The following RBFOX1 variants were observed in gnomAD, a reference collection of about 807,000 sequenced individuals.
The protein encoded by RBFOX1 is RNA binding fox-1 homolog 1.
In RBFOX1, 8 loss-of-function variants were observed where a neutral mutation model predicts 57.7. That is an observed-to-expected ratio of 0.14 (90% CI 0.08 to 0.25). The LOEUF (loss-of-function observed/expected upper bound fraction) is 0.25. Ranked by LOEUF, RBFOX1 falls within the 10% of genes least tolerant of loss-of-function variation. The probability of loss-of-function intolerance (pLI) is 1.00; values close to 1 mark genes in which losing one functional copy is unlikely to be tolerated. For missense variants in RBFOX1, 611 were observed against 548.5 expected (o/e 1.11, Z -1.14); for synonymous variants, 326 against 222.4 (o/e 1.47, Z -4.15).
intron 1 of RBFOX1, among the ~76,000 whole-genome samples, chr16:6,138,525 G>A (rs1215036263): frequency 6.6e-6 from 1 of 152,122 alleles, no homozygotes; most frequent in Admixed American, 6.5e-5. Flanking sequence ...GAAGGGGAGA[G>A]AGAACGACCA....
In RBFOX1 at chr16:6,465,245, T is replaced by C. The variant is rs191349778; in HGVS notation, c.-64+148188T>C. ...GAGTAGGTTATTTGGAAAAAGAAAG[T>C]GGTGGAGTGAGGTTTTGTTGTTGTT... On this transcript the variant is annotated intron_variant, in intron 2 of 15. Transcript: ENST00000550418. Among the ~76,000 whole-genome samples the C allele has an allele frequency of 5.9e-3, 905 of 152,196 alleles. 7 individuals are homozygous for C. The highest frequency in any genetic ancestry group is 0.02 in the African/African-American group (814 of 41,522).
chr16:6,539,220 T>C (rs552122282), intron 2 of RBFOX1, among the ~76,000 whole-genome samples: 25 of 152,318 alleles, frequency 1.6e-4, no homozygotes, highest in South Asian at 1.2e-3. Context: ...GAGGCACTTA[T>C]AGGTTTAAAC....
intron 3 of RBFOX1, among the ~76,000 whole-genome samples, chr16:6,860,279 A>G (rs2058758567): frequency 6.6e-6 from 1 of 152,218 alleles, no homozygotes; most frequent in Admixed American, 6.5e-5. Context: ...GAAATACATT[A>G]TTTAATGTCT....
intron 4 of RBFOX1, among the ~76,000 whole-genome samples, chr16:7,416,728 GTTT>G (rs61388698): frequency 6.7e-6 from 1 of 148,512 alleles, no homozygotes. Context: ...CTTTAGGGAT[GTTT>G]TTTTTTCTTT....
intron 4 of RBFOX1, among the ~76,000 whole-genome samples, chr16:7,242,745 G>T (rs541876607): frequency 6.6e-6 from 1 of 152,342 alleles, no homozygotes; most frequent in East Asian, 1.9e-4. Flanking sequence ...TGCATGATGG[G>T]TTGGGTTGGA....
At chr16:5,897,327 G>T (rs1001138670) in intron 4 of RBFOX1, among the ~76,000 whole-genome samples, 14 of 152,034 alleles carry the variant, frequency 9.2e-5, no homozygotes, top group Non-Finnish European at 1.6e-4. Context: ...GAGCCACCGC[G>T]CCCGGCCCTC....
intron 3 of RBFOX1, among the ~76,000 whole-genome samples, chr16:6,814,396 C>A (rs112159853): frequency 6.6e-6 from 1 of 152,050 alleles, no homozygotes; most frequent in Non-Finnish European, 1.5e-5. Flanking sequence ...TCCATTCTTA[C>A]GGTAAATAAT....
chr16:7,358,452 G>T (rs1024952503), intron 4 of RBFOX1, among the ~76,000 whole-genome samples: 8 of 151,480 alleles, frequency 5.3e-5, no homozygotes, highest in Non-Finnish European at 1.2e-4. Context: ...GTGGAGTTTT[G>T]TTCTGTCGCC....
intron 2 of RBFOX1, among the ~76,000 whole-genome samples, chr16:6,455,143 C>G (rs2094737379): frequency 6.6e-6 from 1 of 151,672 alleles, no homozygotes; most frequent in African/African-American, 2.4e-5. Flanking sequence ...TCCACCCGCC[C>G]TGGCCTCCCA....
chr16:5,798,730 G>A (rs140248904), intron 3 of RBFOX1, among the ~76,000 whole-genome samples: 11 of 152,280 alleles, frequency 7.2e-5, no homozygotes, highest in East Asian at 5.8e-4. Context: ...CACTTTGTTC[G>A]TTGTGGCAGA....
chr16:6,176,379 A>G (rs930329874), intron 1 of RBFOX1, among the ~76,000 whole-genome samples: 4 of 143,966 alleles, frequency 2.8e-5, no homozygotes, highest in Non-Finnish European at 4.5e-5. Context: ...GGCTGGTCTC[A>G]AACTCCTGAC....
intron 4 of RBFOX1, among the ~76,000 whole-genome samples, chr16:7,217,356 C>G (rs898500536): frequency 9.6e-5 from 13 of 135,762 alleles, no homozygotes; most frequent in Non-Finnish European, 1.8e-4. Context: ...GTGTTGAACT[C>G]CTGACCTTAG....
intron 2 of RBFOX1, among the ~76,000 whole-genome samples, chr16:6,369,263 G>A (rs28667236): frequency 6.6e-6 from 1 of 152,020 alleles, no homozygotes; most frequent in Non-Finnish European, 1.5e-5. Context: ...AAATTGATAT[G>A]CTCACTTCAA....
intron 3 of RBFOX1, among the ~76,000 whole-genome samples, chr16:6,801,894 C>G (rs773184548): frequency 1.3e-5 from 2 of 152,020 alleles, no homozygotes; most frequent in Non-Finnish European, 2.9e-5. Flanking sequence ...GTCATCTGTA[C>G]CTAAGATCTG....
intron 4 of RBFOX1, among the ~76,000 whole-genome samples, chr16:7,318,060 G>A (rs1355809055): frequency 6.6e-6 from 1 of 151,952 alleles, no homozygotes; most frequent in African/African-American, 2.4e-5. Context: ...GATTGTGAAT[G>A]GTGACGGTGG....
intron 1 of RBFOX1, among the ~76,000 whole-genome samples, chr16:5,386,563 T>A (rs1026439725): frequency 6.6e-6 from 1 of 152,110 alleles, no homozygotes; most frequent in Non-Finnish European, 1.5e-5. Context: ...TCACTGGCCA[T>A]CTCACTGCAG....
At chr16:7,201,396 G>A (rs1312485000) in intron 4 of RBFOX1, among the ~76,000 whole-genome samples, 1 of 152,046 alleles carries the variant, frequency 6.6e-6, no homozygotes, top group Non-Finnish European at 1.5e-5. Flanking sequence ...ATTCTATTCT[G>A]GCTGAGGCAG....
At chr16:7,538,814 T>G (rs891559600) in intron 5 of RBFOX1, among the ~76,000 whole-genome samples, 6 of 152,062 alleles carry the variant, frequency 3.9e-5, no homozygotes, top group Non-Finnish European at 7.4e-5. Flanking sequence ...GTCTGGAACT[T>G]GGTGATTGTC....
chr16:6,802,850 C>G (rs2085816835), intron 3 of RBFOX1, among the ~76,000 whole-genome samples: 1 of 152,176 alleles, frequency 6.6e-6, no homozygotes, highest in Admixed American at 6.5e-5. Context: ...TATAAACTAA[C>G]TTAAGTTGCC....
Sources: allele counts gnomAD v4.1 joint callset (sites outside exome capture counted in the v4.1 genomes callset), GRCh38; gene constraint gnomAD v4.1.1; transcripts MANE v1.5; gene names NCBI Gene and HGNC (gene_info 2026-07-23, HGNC 2026-07-21).